Variants in IGSF10 observed in about 807,000 individuals in gnomAD.
The protein encoded by IGSF10 is immunoglobulin superfamily member 10.
A neutral mutation model predicts 128.2 loss-of-function variants in IGSF10; 126 were observed. The ratio of observed to expected loss-of-function variants is 0.98; its 90% CI spans 0.85 to 1.14. The LOEUF is 1.14. IGSF10 is among the 50% of genes most tolerant of loss of function. IGSF10 has a pLI of 0.00. For synonymous variants in IGSF10, 1,185 were observed against 1,146.2 expected (o/e 1.03, Z -0.68); for missense variants, 3,295 against 3,149.8 (o/e 1.05, Z -1.10).
chr3:151,591,124 A>G, the IGSF10 span, among the ~76,000 whole-genome samples: 1 of 152,130 alleles, frequency 6.6e-6, no homozygotes, highest in Admixed American at 6.6e-5. Context: ...GCAAATGCAC[A>G]TTTCTCATTC....
the IGSF10 span, among the ~76,000 whole-genome samples, chr3:151,529,455 A>G: frequency 3.3e-5 from 5 of 152,162 alleles, no homozygotes; most frequent in Non-Finnish European, 5.9e-5. Flanking sequence ...CATACAGGAG[A>G]GCTCTGGCTA....
At chr3:151,549,036 GT>G in the IGSF10 span, among the ~76,000 whole-genome samples, 1 of 151,790 alleles carries the variant, frequency 6.6e-6, no homozygotes, top group Non-Finnish European at 1.5e-5. Flanking sequence ...CTTTTTTAAA[GT>G]TTTCTTCTAC....
chr3:151,436,376 A>G lies in IGSF10; in HGVS notation c.*313T>C, dbSNP rs928039724. On this transcript the variant is annotated 3_prime_UTR_variant, in exon 8 of 8. Transcript: ENST00000282466. ...ACTAGGCAACTGGTATTAGAAGTTC[A>G]TTTTTTTACTGAAAAATTCAGGTAC... 8.8e-6 allele frequency: 2 copies of G among 228,420 alleles called. No individual in the cohort carries two copies. The highest frequency in any genetic ancestry group is 4.7e-5 in the African/African-American group (2 of 42,886). 14.1% of individuals were successfully genotyped at this position (228,420 alleles called of 1,614,324 possible). A position where few individuals can be genotyped will look rare whatever the true frequency, so the allele number is the denominator to read the frequency against.
the IGSF10 span, among the ~76,000 whole-genome samples, chr3:151,514,967 A>T: frequency 6.6e-6 from 1 of 152,206 alleles, no homozygotes; most frequent in Non-Finnish European, 1.5e-5. Flanking sequence ...GTCAGGAAAC[A>T]ACAGGTGCTG....
At chr3:151,577,141 G>A in the IGSF10 span, among the ~76,000 whole-genome samples, 1 of 152,234 alleles carries the variant, frequency 6.6e-6, no homozygotes, top group South Asian at 2.1e-4. Flanking sequence ...ATATTTATAT[G>A]CACACTTTCT....
At chr3:151,546,632 C>T in the IGSF10 span, among the ~76,000 whole-genome samples, 9 of 151,912 alleles carry the variant, frequency 5.9e-5, no homozygotes, top group African/African-American at 1.7e-4. Context: ...TCATGCCTGG[C>T]GTATGTTTAT....
the IGSF10 span, among the ~76,000 whole-genome samples, chr3:151,497,956 A>G: frequency 9.2e-5 from 14 of 152,088 alleles, no homozygotes; most frequent in Non-Finnish European, 1.9e-4. Flanking sequence ...ATGAGAGTTC[A>G]CTCATGATTT....
chr3:151,523,932 A>G, the IGSF10 span, among the ~76,000 whole-genome samples: 1 of 152,212 alleles, frequency 6.6e-6, no homozygotes, highest in Non-Finnish European at 1.5e-5. Context: ...AATATCCAGC[A>G]TCTATAAGGA....
the IGSF10 span, among the ~76,000 whole-genome samples, chr3:151,565,497 C>A: frequency 6.6e-6 from 1 of 151,994 alleles, no homozygotes; most frequent in Non-Finnish European, 1.5e-5. Context: ...AAAATTGAAA[C>A]AAGGGATCAA....
chr3:151,483,487 C>A, the IGSF10 span, among the ~76,000 whole-genome samples: 3 of 152,042 alleles, frequency 2.0e-5, no homozygotes, highest in Non-Finnish European at 4.4e-5. Flanking sequence ...TATCAAATCA[C>A]AAATGTAGAA....
At chr3:151,488,969 C>T in the IGSF10 span, among the ~76,000 whole-genome samples, 3 of 152,156 alleles carry the variant, frequency 2.0e-5, no homozygotes, top group Non-Finnish European at 2.9e-5. Flanking sequence ...CCAAAATTGA[C>T]AAATGGGATC....
Position 151,447,150 on chromosome 3 carries a change from A to C in IGSF10, c.2831T>G (p.Leu944Ter). 1 of 1,614,186 alleles carries C rather than the reference A, an allele frequency of 6.2e-7. No homozygotes were observed. The highest frequency in any genetic ancestry group is 8.5e-7 in the Non-Finnish European group (1 of 1,180,026). The change falls in exon 6 of 8, where the codon TTA becomes TGA. Residue 944 changes from leucine to a stop codon, truncating the protein, a stop_gained. Transcript: ENST00000282466. LOFTEE classifies it high-confidence loss of function. ...ATTTGTGGTATTTACTGACTCTAAT[A>C]ATAGTTTGTTGGTGGTGCTACTAAG... ...KMLSSTTNKLLLESVNTTNSH... is the reference protein window; with the variant it reads ...KMLSSTTNKL
Position 151,437,590 on chromosome 3 carries a change from A to G in IGSF10, c.6971T>C (p.Leu2324Ser). The change falls in exon 8 of 8, where the codon TTG (leucine) becomes TCG (serine). Residue 2324 changes from leucine (L) to serine (S), a missense_variant. Leu to Ser is a moderately radical substitution (Grantham distance 145, BLOSUM62 -2). Coordinates refer to ENST00000282466, the MANE Select transcript of IGSF10 (RefSeq NM_178822.5). ...TTCCAGTACTTCTAACTGTACTACC[A>G]ACACGCTCTCTCCACCTTCATTTCG... ...VARNEGGESV[L>S]VVQLEVLEML... The G allele has an allele frequency of 1.2e-6, 2 of 1,614,158 alleles. No homozygotes were observed. The highest frequency in any genetic ancestry group is 8.5e-7 in the Non-Finnish European group (1 of 1,180,026).
the IGSF10 span, among the ~76,000 whole-genome samples, chr3:151,546,839 C>T: frequency 0.1 from 15,871 of 151,998 alleles, 1,146 homozygotes; most frequent in Non-Finnish European, 0.16. Flanking sequence ...GGTGCAATCT[C>T]GGCTCATTGC....
the IGSF10 span, among the ~76,000 whole-genome samples, chr3:151,482,678 C>T: frequency 6.6e-6 from 1 of 152,162 alleles, no homozygotes; most frequent in Non-Finnish European, 1.5e-5. Context: ...TGTGGACATG[C>T]AGACCCATTA....
chr3:151,432,816 G>A (rs772503725), downstream of IGSF10: 1 of 1,608,308 alleles, frequency 6.2e-7, no homozygotes, highest in Non-Finnish European at 8.5e-7. Context: ...TCTGCAAGAG[G>A]AGAAGACATG....
the IGSF10 span, among the ~76,000 whole-genome samples, chr3:151,569,666 G>GC: frequency 6.6e-6 from 1 of 152,122 alleles, no homozygotes; most frequent in African/African-American, 2.4e-5. Flanking sequence ...TCCATCTCTA[G>GC]ATAATAGAAA....
chr3:151,490,047 T>C, the IGSF10 span, among the ~76,000 whole-genome samples: 4 of 152,264 alleles, frequency 2.6e-5, no homozygotes, highest in Non-Finnish European at 4.4e-5. Context: ...TCTTTACTTA[T>C]CAATAATAAC....
At chr3:151,613,778 G>A in the IGSF10 span, among the ~76,000 whole-genome samples, 1 of 152,176 alleles carries the variant, frequency 6.6e-6, no homozygotes, top group Non-Finnish European at 1.5e-5. Flanking sequence ...AGGACTTCAT[G>A]TCTAAAACAC....
Sources: allele counts gnomAD v4.1 joint callset (sites outside exome capture counted in the v4.1 genomes callset), GRCh38; gene constraint gnomAD v4.1.1; transcripts MANE v1.5; gene names NCBI Gene and HGNC (gene_info 2026-07-23, HGNC 2026-07-21).